Variants in HSF1 observed in about 807,000 individuals in gnomAD.
HSF1 encodes heat shock factor protein 1.
HSF1 carries 32 observed loss-of-function variants against 51.7 expected under a neutral mutation model. That is an observed-to-expected ratio of 0.62 (90% confidence interval 0.47 to 0.83). HSF1 has a LOEUF of 0.83. Among genes scored for constraint, HSF1 ranks in the 40% least tolerant of loss-of-function variants. The probability of loss-of-function intolerance (pLI) is 0.00; values close to 1 mark genes in which losing one functional copy is unlikely to be tolerated. For synonymous variants in HSF1, 396 were observed against 309.7 expected, an observed-to-expected ratio of 1.28 and a Z score of -2.92; for missense variants, 727 against 717.0, an observed-to-expected ratio of 1.01 and a Z score of -0.16.
At chr8:144,301,868 AAAAAT>A (rs1374241691) in intron 1 of HSF1, among the ~76,000 whole-genome samples, 2 of 151,388 alleles carry the variant, frequency 1.3e-5, no homozygotes, top group African/African-American at 4.9e-5. Context: ...CCGTCTCAAA[AAAAAT>A]AAAAAGCATC....
At chr8:144,313,166 G>C (rs1816801670) in intron 9 of HSF1, 3 of 384,660 alleles carry the variant, frequency 7.8e-6, no homozygotes, top group East Asian at 1.0e-4. Flanking sequence ...AGCCCCACCT[G>C]TTTTCCCAGT....
chr8:144,302,667 A>G (rs1375692978), intron 1 of HSF1, among the ~76,000 whole-genome samples: 2 of 149,394 alleles, frequency 1.3e-5, no homozygotes, highest in Non-Finnish European at 3.0e-5. Context: ...TCTCTACAAA[A>G]AAAAATGAGC....
chr8:144,308,764 C>G (rs944083926), intron 1 of HSF1, 142 bp from the exon 2 acceptor site: 5 of 690,136 alleles, frequency 7.2e-6, no homozygotes, highest in Admixed American at 6.5e-5. Flanking sequence ...TCCCGCCAGC[C>G]CCCTGGGCCT....
Position 144,314,122 on chromosome 8 carries a change from C to T in HSF1, c.1385-3C>T. 1.3e-6 allele frequency: 2 copies of T among 1,542,908 alleles called. No homozygotes were observed. The highest frequency in any genetic ancestry group is 2.5e-5 in the East Asian group (1 of 40,728). On this transcript the variant is annotated splice_polypyrimidine_tract_variant and splice_region_variant and intron_variant, in intron 12 of 12. Coordinates refer to ENST00000528838, the MANE Select transcript of HSF1 (RefSeq NM_005526.4). ...CACCGCCTTGACACCCCCACCCCCG[C>T]AGGGAAGCAGCTGGTGCACTACACA...
intron 1 of HSF1, among the ~76,000 whole-genome samples, chr8:144,298,677 A>C (rs1229328811): frequency 6.6e-6 from 1 of 152,078 alleles, no homozygotes; most frequent in Admixed American, 6.6e-5. Context: ...TTTTATGTGG[A>C]GGGAATTTGC....
At chr8:144,314,094 C>T (rs1417323582) in intron 12 of HSF1, 31 bp from the exon 13 acceptor site, 4 of 1,536,414 alleles carry the variant, frequency 2.6e-6, no homozygotes, top group East Asian at 2.4e-5. Context: ...GCCCCCAACC[C>T]CCCACCGCCT....
chr8:144,299,436 A>T (rs1554841856), intron 1 of HSF1, among the ~76,000 whole-genome samples: 5 of 53,010 alleles, frequency 9.4e-5, no homozygotes, highest in Non-Finnish European at 3.3e-4. Flanking sequence ...GACTCCTTCT[A>T]AAAAAAAAAA....
intron 1 of HSF1, among the ~76,000 whole-genome samples, chr8:144,298,011 C>T (rs1039960371): frequency 1.3e-5 from 2 of 152,356 alleles, no homozygotes; most frequent in East Asian, 3.9e-4. Flanking sequence ...TTGCTGACAC[C>T]TACACTTCTC....
intron 9 of HSF1, 137 bp downstream of exon 9, chr8:144,312,381 G>A (rs1262439639): frequency 1.4e-6 from 1 of 736,634 alleles, no homozygotes; most frequent in Non-Finnish European, 2.2e-6. Context: ...GCTCGGGGCT[G>A]GGGAGGGAGA....
chr8:144,298,420 A>C (rs1415043945), intron 1 of HSF1, among the ~76,000 whole-genome samples: 2 of 149,156 alleles, frequency 1.3e-5, no homozygotes, highest in Non-Finnish European at 3.0e-5. Flanking sequence ...AACATGGTGA[A>C]ACCCCGTCTC....
In HSF1 at chr8:144,314,715, C is replaced by G. The variant is rs1817118975; in HGVS notation, c.*385C>G. The stretch of plus-strand genomic sequence containing the variant: ...GCAGAGATCTATAAACAGACAGGCT[C>G]TATGCTATGGCCTCCATGTGTTTCC... On this transcript the variant is annotated 3_prime_UTR_variant, in exon 13 of 13. Coordinates refer to ENST00000528838, the MANE Select transcript of HSF1 (RefSeq NM_005526.4). 1 of 245,176 alleles carries G rather than the reference C, an allele frequency of 4.1e-6. No individual in the cohort carries two copies. Among genetic ancestry groups the G allele is most frequent in the Non-Finnish European group, 8.0e-6 (1 of 125,772 alleles). The allele number at this position is 245,176 out of a possible 1,614,324, so 15.2% of individuals were successfully genotyped here.
chr8:144,312,520 C>A, intron 9 of HSF1: 1 of 1,038,562 alleles, frequency 9.6e-7, no homozygotes, highest in Non-Finnish European at 1.4e-6. Flanking sequence ...GCCACGGGCC[C>A]TGGCAGGTCG....
chr8:144,311,710 C>A lies in HSF1; in HGVS notation c.734C>A (p.Pro245Gln). The A allele has an allele frequency of 6.2e-7, 1 of 1,610,180 alleles. No homozygotes were observed. Residue 245 changes from proline (P) to glutamine (Q), a missense_variant, in exon 8 of 13, where the codon CCA (proline) becomes CAA (glutamine). Around this residue, in one of 2 missense-constraint regions of HSF1, gnomAD observed 470 missense variants for 398.8 expected, o/e 1.18. Coordinates refer to ENST00000528838, the MANE Select transcript of HSF1 (RefSeq NM_005526.4). ...TGCCTTTGATTGCAGGCCCCCTCCC[C>A]AGCCTACAGCAGCTCCAGCCTCTAC... is the stretch of plus-strand genomic sequence containing the variant. ...HGSGPYSAPS[P>Q]AYSSSSLYAP...
At chr8:144,300,033 C>T (rs1815748542) in intron 1 of HSF1, among the ~76,000 whole-genome samples, 1 of 152,200 alleles carries the variant, frequency 6.6e-6, no homozygotes, top group Non-Finnish European at 1.5e-5. Context: ...AGTTCCCCTT[C>T]GAGGAGGTGA....
Position 144,299,435 on chromosome 8 carries a change from TA to T in HSF1, c.117+7578del, listed in dbSNP as rs11309028. On this transcript the variant is annotated intron_variant, in intron 1 of 12. Coordinates refer to ENST00000528838, the MANE Select transcript of HSF1 (RefSeq NM_005526.4). The stretch of plus-strand genomic sequence containing the variant: ...CTGGGCAACAGAGCAAGACTCCTTC[TA>T]AAAAAAAAAAAAAAAATTCACGTCC... 1.9e-3 allele frequency among the ~76,000 whole-genome samples: 254 copies of T among 132,204 alleles called. 1 individual carries two copies. Among genetic ancestry groups the T allele is most frequent in the Admixed American group, 3.2e-3 (41 of 12,956 alleles). 86.7% of individuals were successfully genotyped at this position (132,204 alleles called of 152,430 possible).
rs1479640790 is a variant in HSF1 at position 144,291,981 on chromosome 8, A to C, written c.117+107A>C. Reference sequence around the variant, plus strand: ...GAGGGGCCCTGCCGCACTTCAGCTTACGCGCGGTGAGCCTGCCCTGCCCCC... The same window carrying C: ...GAGGGGCCCTGCCGCACTTCAGCTTCCGCGCGGTGAGCCTGCCCTGCCCCC... On this transcript the variant is annotated intron_variant, in intron 1 of 12. Coordinates refer to ENST00000528838, the MANE Select transcript of HSF1 (RefSeq NM_005526.4). The surrounding 1 kb of genome is among the most constrained non-coding windows in gnomAD (Gnocchi z 4.1). 1.9e-6 allele frequency: 1 copy of C among 537,312 alleles called. No individual in the cohort carries two copies. The highest frequency in any genetic ancestry group is 4.5e-5 in the Admixed American group (1 of 22,164). The allele number at this position is 537,312 out of a possible 1,614,324, so 33.3% of individuals were successfully genotyped here.
chr8:144,296,131 C>A lies in HSF1; in HGVS notation c.117+4257C>A, dbSNP rs556012435. Among the ~76,000 whole-genome samples the A allele has an allele frequency of 9.2e-5, 14 of 152,208 alleles. No homozygotes were observed. The East Asian group carries it at 2.7e-3, about 29-fold the overall frequency. ...CCGCTGTGGAGGGTCTCTGGGTGGA[C>A]AATTGGGAGCAGAGTGGTCCCTGCA... On this transcript the variant is annotated intron_variant, in intron 1 of 12. Coordinates refer to ENST00000528838, the MANE Select transcript of HSF1 (RefSeq NM_005526.4).
chr8:144,301,312 G>A (rs34345429), intron 1 of HSF1, among the ~76,000 whole-genome samples: 79,679 of 151,712 alleles, frequency 0.53, 21,205 homozygotes, highest in Admixed American at 0.65. Flanking sequence ...CCAACTACTC[G>A]GGAGGCTGAG....
intron 2 of HSF1, chr8:144,309,234 C>T (rs1816432667): frequency 1.5e-6 from 1 of 672,782 alleles, no homozygotes; most frequent in South Asian, 1.9e-5. Flanking sequence ...AACCGTGAAG[C>T]CGGAGCTGTA....
Sources: allele counts gnomAD v4.1 joint callset (sites outside exome capture counted in the v4.1 genomes callset), GRCh38; gene constraint gnomAD v4.1.1; regional missense constraint gnomAD v4.1.1; non-coding constraint Gnocchi (gnomAD v3.1); transcripts MANE v1.5; gene names NCBI Gene and HGNC (gene_info 2026-07-23, HGNC 2026-07-21).